UMAD1: variants seen among roughly 807,000 people sequenced by gnomAD.
UMAD1 encodes the protein UBAP1-MVB12-associated (UMA)-domain containing protein 1.
In UMAD1, 8 loss-of-function variants were observed where a neutral mutation model predicts 6.1. The observed-to-expected ratio is 1.30, with a 90% confidence interval of 0.76 to 2.35. The LOEUF is 2.35. Among genes scored for constraint, UMAD1 ranks in the 30% most tolerant of loss-of-function variants. The probability of loss-of-function intolerance (pLI) is 0.00; values close to 1 mark genes in which losing one functional copy is unlikely to be tolerated. For synonymous variants in UMAD1, 56 were observed against 31.4 expected (o/e 1.78, Z -2.61); for missense variants, 130 against 78.4 (o/e 1.66, Z -2.49).
At chr7:7,824,112 G>T (rs973766940) in intron 3 of UMAD1, among the ~76,000 whole-genome samples, 2 of 151,874 alleles carry the variant, frequency 1.3e-5, no homozygotes, top group African/African-American at 2.4e-5. Flanking sequence ...CTCCCACCTT[G>T]CCCTCCGCTC....
chr7:7,734,561 A>C (rs1781313422), intron 2 of UMAD1, among the ~76,000 whole-genome samples: 1 of 152,152 alleles, frequency 6.6e-6, no homozygotes, highest in African/African-American at 2.4e-5. Context: ...GTTATTCTTC[A>C]TTATATTCAA....
At chr7:7,870,224 G>T (rs1001704285) in intron 3 of UMAD1, among the ~76,000 whole-genome samples, 5 of 152,068 alleles carry the variant, frequency 3.3e-5, no homozygotes, top group Admixed American at 2.6e-4. Context: ...AACTTTCTTT[G>T]TAAGATTAAA....
chr7:7,718,758 G>A (rs1343951114), intron 2 of UMAD1, among the ~76,000 whole-genome samples: 2 of 152,120 alleles, frequency 1.3e-5, no homozygotes, highest in Non-Finnish European at 2.9e-5. Flanking sequence ...GCATGAGATA[G>A]GCAGGAACCT....
intron 1 of UMAD1, among the ~76,000 whole-genome samples, chr7:7,651,888 T>C (rs1236819531): frequency 6.6e-6 from 1 of 152,198 alleles, no homozygotes; most frequent in Non-Finnish European, 1.5e-5. Flanking sequence ...GTTTTTCCTG[T>C]CTTGTACTCT....
At chr7:7,783,854 T>C (rs1194876893) in intron 2 of UMAD1, among the ~76,000 whole-genome samples, 1 of 152,206 alleles carries the variant, frequency 6.6e-6, no homozygotes, top group Non-Finnish European at 1.5e-5. Flanking sequence ...ACTGTACTTC[T>C]GGTTAAGCAA....
intron 2 of UMAD1, among the ~76,000 whole-genome samples, chr7:7,734,811 C>G (rs1290320414): frequency 6.6e-6 from 1 of 152,072 alleles, no homozygotes; most frequent in African/African-American, 2.4e-5. Context: ...GATATGCTAG[C>G]TAACTTTATT....
intron 2 of UMAD1, among the ~76,000 whole-genome samples, chr7:7,712,774 T>A (rs1056955446): frequency 6.6e-6 from 1 of 152,210 alleles, no homozygotes; most frequent in African/African-American, 2.4e-5. Context: ...GCTTATAATG[T>A]TTGCAATTGT....
chr7:7,789,350 G>GTTA (rs1161694185), intron 2 of UMAD1, among the ~76,000 whole-genome samples: 3,917 of 152,004 alleles, frequency 0.026, 185 homozygotes, highest in African/African-American at 0.09. Context: ...ATGTGAATAT[G>GTTA]GAGTAGAGAC....
chr7:7,806,357 C>G (rs929690173), intron 3 of UMAD1, among the ~76,000 whole-genome samples: 22 of 152,092 alleles, frequency 1.4e-4, no homozygotes, highest in African/African-American at 5.3e-4. Flanking sequence ...CTCTGCTCCC[C>G]CAGCCAGAGA....
intron 2 of UMAD1, among the ~76,000 whole-genome samples, chr7:7,683,983 C>T (rs1253865162): frequency 5.3e-5 from 8 of 152,140 alleles, no homozygotes; most frequent in Admixed American, 3.9e-4. Context: ...AAATTGGTTC[C>T]AAGACCCCCG....
intron 2 of UMAD1, among the ~76,000 whole-genome samples, chr7:7,729,094 G>A (rs1317481450): frequency 6.6e-6 from 1 of 152,222 alleles, no homozygotes; most frequent in Non-Finnish European, 1.5e-5. Context: ...AAACGTGAAT[G>A]AGTTAACTGG....
chr7:7,741,977 A>C (rs746728639), intron 2 of UMAD1: 2 of 277,736 alleles, frequency 7.2e-6, no homozygotes, highest in Non-Finnish European at 1.4e-5. Flanking sequence ...TTTCTTACCA[A>C]CTGCCTCTGA....
chr7:7,709,915 C>G (rs1345888474), intron 2 of UMAD1, among the ~76,000 whole-genome samples: 1 of 152,118 alleles, frequency 6.6e-6, no homozygotes. Flanking sequence ...ACTCCCACCT[C>G]AGAGGTAAAT....
chr7:7,741,091 A>G (rs143936848), intron 2 of UMAD1: 92 of 152,310 alleles, frequency 6.0e-4, no homozygotes, highest in African/African-American at 2.0e-3. Flanking sequence ...AAAACCATTA[A>G]CGTAGCTAAT....
intron 1 of UMAD1, among the ~76,000 whole-genome samples, chr7:7,644,219 T>C (rs1477400799): frequency 6.6e-6 from 1 of 152,202 alleles, no homozygotes; most frequent in Non-Finnish European, 1.5e-5. Flanking sequence ...TTATTGGTTA[T>C]TTATGTTTAT....
At chr7:7,849,746 C>G (rs1461436296) in intron 3 of UMAD1, among the ~76,000 whole-genome samples, 2 of 152,008 alleles carry the variant, frequency 1.3e-5, no homozygotes, top group African/African-American at 4.8e-5. Flanking sequence ...TACATCAGAC[C>G]ATGGTAAGTA....
intron 3 of UMAD1, among the ~76,000 whole-genome samples, chr7:7,820,287 A>G (rs1175784012): frequency 6.6e-6 from 1 of 152,156 alleles, no homozygotes; most frequent in Non-Finnish European, 1.5e-5. Flanking sequence ...TAACTTAATT[A>G]CCTAATCTCA....
intron 2 of UMAD1, chr7:7,676,352 T>C (rs1779738964): frequency 2.6e-6 from 1 of 391,592 alleles, no homozygotes; most frequent in African/African-American, 2.1e-5. Flanking sequence ...GTAGTACTAT[T>C]ATATCACCAT....
At chr7:7,805,808 T>C (rs780769617) in intron 3 of UMAD1, among the ~76,000 whole-genome samples, 16 of 152,198 alleles carry the variant, frequency 1.1e-4, no homozygotes, top group Non-Finnish European at 2.1e-4. Flanking sequence ...AAGTGTCACT[T>C]TTCATGACTA....
Sources: gnomAD v4.1 joint callset for allele counts (sites outside exome capture counted in the v4.1 genomes callset) on GRCh38, gnomAD v4.1.1 for gene constraint, MANE v1.5 for transcripts, NCBI Gene and HGNC (gene_info 2026-07-23, HGNC 2026-07-21) for gene names.